ZNF583: variants seen among roughly 807,000 people sequenced by gnomAD.
ZNF583 encodes the protein zinc finger protein L3-5.
In ZNF583, 30 loss-of-function variants were observed where a neutral mutation model predicts 55.3. That is an observed-to-expected ratio of 0.54 (90% CI 0.41 to 0.74). ZNF583 has a LOEUF of 0.74. Ranked by LOEUF, ZNF583 falls within the 30% of genes least tolerant of loss-of-function variation. The pLI is 0.00. For synonymous variants in ZNF583, 208 were observed against 220.0 expected (o/e 0.95, Z 0.48); for missense variants, 504 against 664.7 (o/e 0.76, Z 2.66).
At chr19:56,406,509 A>C (rs985746065) in intron 1 of ZNF583, among the ~76,000 whole-genome samples, 3 of 151,026 alleles carry the variant, frequency 2.0e-5, no homozygotes, top group South Asian at 4.2e-4. Context: ...TAACTTAAAC[A>C]CAGAACAGGT....
At chr19:56,411,906 A>G (rs762579864) in intron 2 of ZNF583, among the ~76,000 whole-genome samples, 1 of 152,192 alleles carries the variant, frequency 6.6e-6, no homozygotes, top group East Asian at 1.9e-4. Context: ...TTTTCCATTA[A>G]AAAGGTTTCT....
intron 4 of ZNF583, among the ~76,000 whole-genome samples, chr19:56,422,406 C>T (rs987135580): frequency 1.3e-5 from 2 of 152,106 alleles, no homozygotes; most frequent in African/African-American, 2.4e-5. Flanking sequence ...TTTTTTCTAA[C>T]TACAGATGTT....
Sources: allele counts gnomAD v4.1 joint callset (sites outside exome capture counted in the v4.1 genomes callset), GRCh38; gene constraint gnomAD v4.1.1; transcripts MANE v1.5; gene names NCBI Gene and HGNC (gene_info 2026-07-23, HGNC 2026-07-21).